Variants in TM4SF4 observed in about 807,000 individuals in gnomAD.
The protein encoded by TM4SF4 is transmembrane 4 L6 family member 4.
In TM4SF4, 24 loss-of-function variants were observed where a neutral mutation model predicts 24.1. The observed-to-expected ratio is 1.00, with a 90% CI of 0.72 to 1.40. TM4SF4 has a LOEUF of 1.40. TM4SF4 is among the 40% of genes most tolerant of loss of function. TM4SF4 has a pLI of 0.00. For synonymous variants in TM4SF4, 113 were observed against 97.0 expected (o/e 1.17, Z -0.97); for missense variants, 254 against 254.2 (o/e 1.00, Z 0.01).
At chr3:149,498,258 G>A (rs912610175) in intron 3 of TM4SF4, among the ~76,000 whole-genome samples, 3 of 152,100 alleles carry the variant, frequency 2.0e-5, no homozygotes, top group Non-Finnish European at 2.9e-5. Context: ...AAGTCAAAAC[G>A]GTCTCTAACA....
At position 149,474,728 on chromosome 3, in the gene TM4SF4, A is replaced by G; in HGVS notation, c.-150A>G. On this transcript the variant is annotated 5_prime_UTR_variant, in exon 1 of 5. Coordinates refer to ENST00000305354, the MANE Select transcript of TM4SF4 (RefSeq NM_004617.4). ...GAGAAGCTGAAGCAACTCCAAGGAC[A>G]CAGTTCACAGAAATTTGGTTCTCAG... The G allele has an allele frequency of 2.8e-6, 2 of 706,392 alleles. No homozygotes were observed. Among genetic ancestry groups the G allele is most frequent in the South Asian group, 2.4e-5 (1 of 41,980 alleles). 43.8% of individuals were successfully genotyped at this position (706,392 alleles called of 1,614,324 possible).
rs773462753 is a variant in TM4SF4, at chr3:149,487,699, C to T, written c.345C>T (p.Asn115=). The change falls in exon 3 of 5, where the codon AAC becomes AAT. Residue 115 remains asparagine (N), a synonymous_variant. Coordinates refer to ENST00000305354, the MANE Select transcript of TM4SF4 (RefSeq NM_004617.4). ...TTATCATCTCAGCCATTTCAATCAA[C>T]AAGGGTCCTAAATGCCTCATGGCCA... ...YSFIISAISI[N]KGPKCLMANS... 1.9e-6 allele frequency: 3 copies of T among 1,614,034 alleles called. No individual in the cohort carries two copies. Among genetic ancestry groups the T allele is most frequent in the Non-Finnish European group, 2.5e-6 (3 of 1,179,890 alleles).
intron 3 of TM4SF4, among the ~76,000 whole-genome samples, chr3:149,488,504 C>T (rs914744742): frequency 1.2e-4 from 19 of 152,242 alleles, no homozygotes; most frequent in Non-Finnish European, 1.0e-4. Flanking sequence ...TCCTGTCCTG[C>T]ACTGACCAGG....
At chr3:149,496,022 A>G (rs4681517) in intron 3 of TM4SF4, 23,296 of 239,680 alleles carry the variant, frequency 0.097, 2,188 homozygotes, top group East Asian at 0.41. Flanking sequence ...ATTGTTCCTA[A>G]CACCTGCCAC....
rs549656499 is a variant in TM4SF4 at position 149,476,840 on chromosome 3, G to T, written c.264+928G>T. Among the ~76,000 whole-genome samples, 338 of 143,136 alleles carry T rather than the reference G, an allele frequency of 2.4e-3. 3 individuals are homozygous for T. The highest frequency in any genetic ancestry group is 8.4e-3 in the African/African-American group (325 of 38,768). 93.9% of individuals were successfully genotyped at this position (143,136 alleles called of 152,430 possible). On this transcript the variant is annotated intron_variant, in intron 2 of 4. Transcript: ENST00000305354. ...TTTTTTTTTTTTTTTTTGAGACAGG[G>T]TCTCACTCTGTTTGCCCAGGCTAGA...
chr3:149,484,368 C>G (rs1576518651), intron 2 of TM4SF4, among the ~76,000 whole-genome samples: 2 of 122,164 alleles, frequency 1.6e-5, no homozygotes, highest in Non-Finnish European at 3.9e-5. Context: ...TTTTAGAATG[C>G]AATTGTTTAT....
At chr3:149,492,189 G>A (rs1173294895) in intron 3 of TM4SF4, among the ~76,000 whole-genome samples, 1 of 152,106 alleles carries the variant, frequency 6.6e-6, no homozygotes, top group Non-Finnish European at 1.5e-5. Context: ...TGTTTGAGAT[G>A]GAGTCATCAG....
intron 2 of TM4SF4, among the ~76,000 whole-genome samples, chr3:149,477,800 C>T (rs1050789218): frequency 2.0e-5 from 3 of 151,952 alleles, no homozygotes; most frequent in Admixed American, 6.6e-5. Flanking sequence ...GTATTTATAA[C>T]TTATTTTCCC....
intron 2 of TM4SF4, among the ~76,000 whole-genome samples, chr3:149,482,625 C>A (rs535366260): frequency 7.9e-5 from 12 of 152,300 alleles, no homozygotes; most frequent in Admixed American, 7.2e-4. Flanking sequence ...CTCACTGCAA[C>A]CTCTGCCTCC....
rs761693995 is a variant in TM4SF4, at chr3:149,498,851, G to C, written c.531G>C (p.Gln177His). The change falls in exon 4 of 5, where the codon CAG (glutamine) becomes CAC (histidine). Residue 177 changes from glutamine to histidine, a missense_variant. Coordinates refer to ENST00000305354, the MANE Select transcript of TM4SF4 (RefSeq NM_004617.4). ...TCCAGATGGTTCTCTGCGCCATCCA[G>C]GTGGTCAATGGCCTCCTGGGGACCC... is the stretch of plus-strand genomic sequence containing the variant. ...GGIQMVLCAI[Q>H]VVNGLLGTLC... 1.2e-6 allele frequency: 2 copies of C among 1,614,016 alleles called. No homozygotes were observed. Among genetic ancestry groups the C allele is most frequent in the Non-Finnish European group, 1.7e-6 (2 of 1,179,890 alleles).
chr3:149,484,878 G>T (rs1198992751), intron 2 of TM4SF4, among the ~76,000 whole-genome samples: 1 of 152,000 alleles, frequency 6.6e-6, no homozygotes, highest in Non-Finnish European at 1.5e-5. Context: ...CTATAACAAG[G>T]CCTAGAATAC....
At chr3:149,496,015 G>T in intron 3 of TM4SF4, 2 of 250,530 alleles carry the variant, frequency 8.0e-6, no homozygotes, top group South Asian at 6.4e-5. Flanking sequence ...AGTGAATATT[G>T]TTCCTAACAC....
chr3:149,475,506 G>C (rs985008822), intron 1 of TM4SF4, among the ~76,000 whole-genome samples: 1 of 152,274 alleles, frequency 6.6e-6, no homozygotes, highest in South Asian at 2.1e-4. Context: ...GGGAACCTCC[G>C]TTTGAGAGAG....
chr3:149,488,619 A>G (rs1201356409), intron 3 of TM4SF4, among the ~76,000 whole-genome samples: 1 of 152,230 alleles, frequency 6.6e-6, no homozygotes, highest in Non-Finnish European at 1.5e-5. Context: ...CACACTAGCC[A>G]TATTTCAAGT....
chr3:149,475,743 G>T, intron 1 of TM4SF4, 80 bp from the exon 2 acceptor site: 1 of 1,208,718 alleles, frequency 8.3e-7, no homozygotes, highest in Non-Finnish European at 1.2e-6. Context: ...ATTGTGGATG[G>T]GGCTCCTTAT....
chr3:149,495,366 C>T (rs67695770), intron 3 of TM4SF4: 23,758 of 311,004 alleles, frequency 0.076, 1,746 homozygotes, highest in East Asian at 0.36. Context: ...CTCATCCAAC[C>T]GACAAGCCCT....
At chr3:149,484,433 G>C (rs1055959695) in intron 2 of TM4SF4, among the ~76,000 whole-genome samples, 3 of 152,080 alleles carry the variant, frequency 2.0e-5, no homozygotes, top group African/African-American at 7.2e-5. Flanking sequence ...ACCCAGGCTG[G>C]AGTGTAGTGG....
At chr3:149,484,479 G>A (rs149972649) in intron 2 of TM4SF4, among the ~76,000 whole-genome samples, 8,220 of 152,086 alleles carry the variant, frequency 0.054, 291 homozygotes, top group Admixed American at 0.077. Flanking sequence ...TGCCTCTCGG[G>A]CTCAAGCGAT....
At chr3:149,485,204 C>G (rs1273321269) in intron 2 of TM4SF4, among the ~76,000 whole-genome samples, 2 of 152,196 alleles carry the variant, frequency 1.3e-5, no homozygotes, top group African/African-American at 4.8e-5. Flanking sequence ...GAAGTTTACA[C>G]AAATTCATGT....
Sources: allele counts gnomAD v4.1 joint callset (sites outside exome capture counted in the v4.1 genomes callset), GRCh38; gene constraint gnomAD v4.1.1; transcripts MANE v1.5; gene names NCBI Gene and HGNC (gene_info 2026-07-23, HGNC 2026-07-21).